The following NMUR2 variants were observed in gnomAD, a reference collection of about 807,000 sequenced individuals.
The protein encoded by NMUR2 is neuromedin-U receptor 2.
Under a neutral mutation model 25.1 loss-of-function variants are expected in NMUR2, and 24 were observed. The observed-to-expected ratio is 0.96, with a 90% CI of 0.69 to 1.34. The LOEUF (loss-of-function observed/expected upper bound fraction) is 1.34. Among genes scored for constraint, NMUR2 ranks in the 40% most tolerant of loss-of-function variants. NMUR2 has a pLI of 0.00. For synonymous variants in NMUR2, 218 were observed against 208.1 expected (o/e 1.05, Z -0.41); for missense variants, 533 against 512.8 (o/e 1.04, Z -0.38).
intron 2 of NMUR2, among the ~76,000 whole-genome samples, chr5:152,396,634 G>T (rs1753155709): frequency 6.6e-6 from 1 of 152,040 alleles, no homozygotes; most frequent in African/African-American, 2.4e-5. Flanking sequence ...GGGCGTGGTG[G>T]CTCAGGCCTA....
chr5:152,404,750 T>G lies in NMUR2; in HGVS notation c.364A>C (p.Lys122Gln). ...FLFGPVGCYF[K>Q]TALFETVCFA... ...CACACGGTCTCAAAGAGGGCCGTCT[T>G]GAAGTAGCAGCCCACGGGCCCGAAC... The change falls in exon 1 of 4, where the codon AAG (lysine) becomes CAG (glutamine). Residue 122 changes from lysine (K) to glutamine (Q), a missense_variant. Physicochemically the swap from Lys to Gln is moderately conservative, Grantham distance 53. Coordinates refer to ENST00000255262, the MANE Select transcript of NMUR2 (RefSeq NM_020167.5). 6.2e-7 allele frequency: 1 copy of G among 1,614,010 alleles called. No homozygotes were observed. The highest frequency in any genetic ancestry group is 8.5e-7 in the Non-Finnish European group (1 of 1,179,998).
At chr5:152,399,165 A>G (rs899039653) in intron 1 of NMUR2, among the ~76,000 whole-genome samples, 4 of 152,184 alleles carry the variant, frequency 2.6e-5, no homozygotes, top group African/African-American at 9.6e-5. Context: ...GGAAGCTTTA[A>G]GGACTCATGA....
chr5:152,398,490 C>CA (rs150291340), intron 1 of NMUR2, among the ~76,000 whole-genome samples: 2,894 of 152,270 alleles, frequency 0.019, 89 homozygotes, highest in African/African-American at 0.066. Flanking sequence ...TTCATTCACT[C>CA]ATTCATAATT....
In NMUR2 at chr5:152,392,475, CA is replaced by C. The variant is rs776807848; in HGVS notation, c.963del (p.Val322SerfsTer20). On this transcript the variant is annotated frameshift_variant, in exon 4 of 4. Transcript: ENST00000255262. LOFTEE classifies it low-confidence loss of function (END_TRUNC). ...VSGVFFYLSS[A>X]VNPIIYNLLS... is the part of the protein sequence containing the mutation. ...AGTAGGTTATAGATAATGGGGTTGACAGCTGAGCTCAGGTAGAAGAAGACAC... is the reference window on the plus strand; with the variant it reads ...AGTAGGTTATAGATAATGGGGTTGACGCTGAGCTCAGGTAGAAGAAGACAC... The C allele has an allele frequency of 6.5e-5, 105 of 1,613,302 alleles. No individual in the cohort carries two copies. The South Asian group carries it at 1.1e-3, about 17-fold the overall frequency.
At chr5:152,397,012 G>GTTTTTTTTTTTTTTTTTTTTATTTTT (rs769998163) in intron 2 of NMUR2, among the ~76,000 whole-genome samples, 1 of 105,708 alleles carries the variant, frequency 9.5e-6, no homozygotes, top group Non-Finnish European at 2.0e-5. Flanking sequence ...TGAGCTTCAT[G>GTTTTTTTTTTTTTTTTTTTTATTTTT]TTTTTTTTTT....
rs1753325665 is a variant in NMUR2, at chr5:152,404,784, G to C, written c.330C>G (p.Tyr110Ter). ...AGCCCACGGGCCCGAACAAGAAAGG[G>C]TAGTTGCGCCACATCTCATAGACCT... is the stretch of plus-strand genomic sequence containing the variant. The part of the protein sequence containing the change: ...PLEVYEMWRN[Y>*]PFLFGPVGCY... Residue 110 changes from tyrosine (Y) to a stop codon, truncating the protein, a stop_gained, in exon 1 of 4, where the codon TAC becomes TAG. Transcript: ENST00000255262. LOFTEE classifies it high-confidence loss of function. 6.2e-7 allele frequency: 1 copy of C among 1,614,010 alleles called. No homozygotes were observed. Among genetic ancestry groups the C allele is most frequent in the Non-Finnish European group, 8.5e-7 (1 of 1,180,030 alleles).
Position 152,398,115 on chromosome 5 carries a change from A to C in NMUR2, c.756T>G (p.Asp252Glu), listed in dbSNP as rs766251817. Residue 252 changes from aspartate (D) to glutamate (E), a missense_variant, in exon 2 of 4, where the codon GAT becomes GAG. Transcript: ENST00000255262. ...RLKKDKSLEA[D>E]EGNANIQRPC... ...GTCTTTGAATATTTGCATTCCCTTC[A>C]TCTGCCTCAAGAGATTTGTCTTTCT... 1 of 1,613,356 alleles carries C rather than the reference A, an allele frequency of 6.2e-7. No homozygotes were observed. The highest frequency in any genetic ancestry group is 8.5e-7 in the Non-Finnish European group (1 of 1,179,510).
rs141539337 is a variant in NMUR2, at chr5:152,405,246, G to C, written c.-133C>G. The C allele has an allele frequency of 1.3e-5, 14 of 1,085,738 alleles. No individual in the cohort carries two copies. The highest frequency in any genetic ancestry group is 8.1e-5 in the Admixed American group (3 of 37,204). The allele number at this position is 1,085,738 out of a possible 1,614,324, so 67.3% of individuals were successfully genotyped here. On this transcript the variant is annotated 5_prime_UTR_variant, in exon 1 of 4. Transcript: ENST00000255262. ...GAAAGTCACAGGCTTCGTAAGGAAG[G>C]CTGGGAGAGAGTGAGTGTTTCACCC...
intron 2 of NMUR2, among the ~76,000 whole-genome samples, chr5:152,396,292 T>C (rs1229576870): frequency 6.6e-6 from 1 of 151,962 alleles, no homozygotes; most frequent in Non-Finnish European, 1.5e-5. Flanking sequence ...GGGATTCGCC[T>C]AAAGATAATC....
In NMUR2 at chr5:152,391,971, G is replaced by A; in HGVS notation, c.*220C>T. 2.0e-6 allele frequency: 1 copy of A among 494,988 alleles called. No individual in the cohort carries two copies. The highest frequency in any genetic ancestry group is 3.6e-6 in the Non-Finnish European group (1 of 277,898). The allele number at this position is 494,988 out of a possible 1,614,324, so 30.7% of individuals were successfully genotyped here. A position where few individuals can be genotyped will look rare whatever the true frequency, so the allele number is the denominator to read the frequency against. On this transcript the variant is annotated 3_prime_UTR_variant, in exon 4 of 4. Coordinates refer to ENST00000255262, the MANE Select transcript of NMUR2 (RefSeq NM_020167.5). ...TGAACTAGTGAAGGGGCATGAGGCA[G>A]TTAGGATAGTGGAAAGATAACTAAA... is the stretch of plus-strand genomic sequence containing the variant.
intron 3 of NMUR2, among the ~76,000 whole-genome samples, chr5:152,394,583 T>C (rs72791432): frequency 0.14 from 22,037 of 152,216 alleles, 2,089 homozygotes; most frequent in Admixed American, 0.24. Context: ...TGGTCATTCT[T>C]TGCTTCATTT....
At chr5:152,403,837 T>C (rs72791459) in intron 1 of NMUR2, among the ~76,000 whole-genome samples, 51 of 152,128 alleles carry the variant, frequency 3.4e-4, no homozygotes, top group Non-Finnish European at 6.3e-4. Context: ...CCACAGTAAA[T>C]GTCTGATTTT....
At chr5:152,402,348 A>G (rs1398632753) in intron 1 of NMUR2, among the ~76,000 whole-genome samples, 11 of 152,136 alleles carry the variant, frequency 7.2e-5, no homozygotes, top group Admixed American at 6.5e-4. Flanking sequence ...ACTTTTCCTG[A>G]GTTTCAGTAT....
chr5:152,396,328 G>A (rs1176628604), intron 2 of NMUR2, among the ~76,000 whole-genome samples: 1 of 152,000 alleles, frequency 6.6e-6, no homozygotes, highest in East Asian at 1.9e-4. Context: ...AGAGATAAGG[G>A]TATACATGAA....
chr5:152,401,432 C>T (rs1251518749), intron 1 of NMUR2, among the ~76,000 whole-genome samples: 24 of 152,214 alleles, frequency 1.6e-4, no homozygotes, highest in Non-Finnish European at 2.9e-5. Context: ...TGCCTGAAAT[C>T]ACTCTACCAG....
chr5:152,401,536 A>G (rs1753254306), intron 1 of NMUR2, among the ~76,000 whole-genome samples: 1 of 152,154 alleles, frequency 6.6e-6, no homozygotes, highest in Non-Finnish European at 1.5e-5. Flanking sequence ...AACACAATCT[A>G]TTTACTTAAA....
intron 2 of NMUR2, among the ~76,000 whole-genome samples, chr5:152,396,822 G>T (rs528330112): frequency 5.7e-4 from 87 of 152,078 alleles, no homozygotes; most frequent in African/African-American, 2.1e-3. Flanking sequence ...AACCTGGGAG[G>T]CAGAGGTTAC....
chr5:152,392,087 G>T lies in NMUR2; in HGVS notation c.*104C>A, dbSNP rs1354854682. 2.0e-6 allele frequency: 2 copies of T among 982,220 alleles called. No individual in the cohort carries two copies. 60.8% of individuals were successfully genotyped at this position (982,220 alleles called of 1,614,324 possible). The stretch of plus-strand genomic sequence containing the variant: ...AAAACTAGCAATGGGTACATGAGTT[G>T]TAAGAGCCATTCTACCTCTCTAATA... On this transcript the variant is annotated 3_prime_UTR_variant, in exon 4 of 4. Coordinates refer to ENST00000255262, the MANE Select transcript of NMUR2 (RefSeq NM_020167.5).
At chr5:152,392,553 G>A (rs1435303988) in intron 3 of NMUR2, 52 bp from the exon 4 acceptor site, 2 of 1,411,260 alleles carry the variant, frequency 1.4e-6, no homozygotes, top group Non-Finnish European at 2.0e-6. Flanking sequence ...TAAGTGACCG[G>A]CATGAAGGAA....
Sources: gnomAD v4.1 joint callset for allele counts (sites outside exome capture counted in the v4.1 genomes callset) on GRCh38, gnomAD v4.1.1 for gene constraint, MANE v1.5 for transcripts, NCBI Gene and HGNC (gene_info 2026-07-23, HGNC 2026-07-21) for gene names.